The following TESK2 variants were observed in gnomAD, a reference collection of about 807,000 sequenced individuals.
The protein encoded by TESK2 is testis associated actin remodelling kinase 2.
A neutral mutation model predicts 57.1 loss-of-function variants in TESK2; 39 were observed. The observed-to-expected ratio is 0.68, with a 90% CI of 0.53 to 0.89. TESK2 has a LOEUF of 0.89. Ranked by LOEUF, TESK2 falls within the 40% of genes least tolerant of loss-of-function variation. The pLI is 0.00. For synonymous variants in TESK2, 249 were observed against 267.9 expected (o/e 0.93, Z 0.69); for missense variants, 646 against 732.1 (o/e 0.88, Z 1.36).
chr1:45,362,000 A>G (rs182660766), intron 4 of TESK2, among the ~76,000 whole-genome samples: 124 of 152,298 alleles, frequency 8.1e-4, no homozygotes, highest in Non-Finnish European at 1.2e-3. Flanking sequence ...TATATGTTAT[A>G]TGTATTTTAC....
chr1:45,385,430 G>A (rs1570674794), intron 4 of TESK2: 2 of 708,910 alleles, frequency 2.8e-6, no homozygotes, highest in East Asian at 2.6e-4. Context: ...GACCAACCAG[G>A]AAACCACAGC....
chr1:45,472,120 C>T (rs1652790054), intron 1 of TESK2, among the ~76,000 whole-genome samples: 1 of 151,750 alleles, frequency 6.6e-6, no homozygotes, highest in Admixed American at 6.6e-5. Flanking sequence ...GGTATGGTGG[C>T]CGGCACCTGT....
chr1:45,368,176 A>G (rs113353211), intron 4 of TESK2, among the ~76,000 whole-genome samples: 1 of 139,840 alleles, frequency 7.2e-6, no homozygotes, highest in South Asian at 2.3e-4. Flanking sequence ...TTGTATATTT[A>G]ATAGAGATGG....
intron 4 of TESK2, among the ~76,000 whole-genome samples, chr1:45,372,075 C>T (rs1648211551): frequency 6.6e-6 from 1 of 151,360 alleles, no homozygotes; most frequent in Admixed American, 6.6e-5. Context: ...TTAGCGAGAC[C>T]TCATATTTAC....
Position 45,344,134 on chromosome 1 carries a change from C to T in TESK2, c.*706G>A, listed in dbSNP as rs1647102800. On this transcript the variant is annotated 3_prime_UTR_variant, in exon 11 of 11. Transcript: ENST00000372086. Reference sequence around the variant, plus strand: ...GTTGATAAATACATAGAAGCAGGCCCTAGGGCCTACAAAACCAGCCCCACT... The same window carrying T: ...GTTGATAAATACATAGAAGCAGGCCTTAGGGCCTACAAAACCAGCCCCACT... 1 of 165,016 alleles carries T rather than the reference C, an allele frequency of 6.1e-6. No homozygotes were observed. Among genetic ancestry groups the T allele is most frequent in the Non-Finnish European group, 1.3e-5 (1 of 74,600 alleles). 10.2% of individuals were successfully genotyped at this position (165,016 alleles called of 1,614,324 possible). A position where few individuals can be genotyped will look rare whatever the true frequency, so the allele number is the denominator to read the frequency against.
At chr1:45,482,068 T>G (rs529621994) in intron 1 of TESK2, among the ~76,000 whole-genome samples, 1 of 152,304 alleles carries the variant, frequency 6.6e-6, no homozygotes, top group South Asian at 2.1e-4. Flanking sequence ...AGCAGTTCCT[T>G]CCTCCAGTAA....
At chr1:45,398,551 AAATAAT>A (rs1158680820) in intron 3 of TESK2, among the ~76,000 whole-genome samples, 1 of 152,058 alleles carries the variant, frequency 6.6e-6, no homozygotes, top group Admixed American at 6.6e-5. Context: ...CGTTTCAAAA[AAATAAT>A]AATAAAAATA....
At chr1:45,441,617 C>CT (rs763476517) in intron 2 of TESK2, among the ~76,000 whole-genome samples, 38,964 of 118,650 alleles carry the variant, frequency 0.33, 7,079 homozygotes, top group African/African-American at 0.42. Flanking sequence ...CAAAATTATT[C>CT]TTTTTTTTTT....
At chr1:45,452,570 C>T (rs542943085) in intron 2 of TESK2, among the ~76,000 whole-genome samples, 3 of 152,110 alleles carry the variant, frequency 2.0e-5, no homozygotes, top group African/African-American at 4.8e-5. Context: ...AGATTGCTTG[C>T]GGCCAGGAGT....
intron 2 of TESK2, among the ~76,000 whole-genome samples, chr1:45,440,725 A>C (rs1382113776): frequency 7.3e-6 from 1 of 137,882 alleles, no homozygotes; most frequent in Non-Finnish European, 1.5e-5. Context: ...CAAAAAAAAA[A>C]AACAAACAAA....
At chr1:45,462,781 G>A (rs1652388918) in intron 1 of TESK2, among the ~76,000 whole-genome samples, 1 of 152,158 alleles carries the variant, frequency 6.6e-6, no homozygotes, top group East Asian at 1.9e-4. Context: ...ATATCACATT[G>A]TAGCTCTACT....
chr1:45,427,636 T>C (rs1475231921), intron 2 of TESK2, among the ~76,000 whole-genome samples: 1 of 152,214 alleles, frequency 6.6e-6, no homozygotes, highest in Non-Finnish European at 1.5e-5. Context: ...GAGGACATTA[T>C]GTTCAGTTAA....
intron 3 of TESK2, among the ~76,000 whole-genome samples, chr1:45,406,947 C>G (rs930340902): frequency 2.0e-5 from 3 of 152,102 alleles, no homozygotes; most frequent in African/African-American, 4.8e-5. Flanking sequence ...CCATTTCTGA[C>G]CTTATCTACT....
chr1:45,405,285 T>C (rs1332292013), intron 3 of TESK2, among the ~76,000 whole-genome samples: 1 of 152,188 alleles, frequency 6.6e-6, no homozygotes, highest in Non-Finnish European at 1.5e-5. Context: ...TCCAAAACTG[T>C]TCCCCACAAT....
chr1:45,481,407 G>A (rs1459738209), intron 1 of TESK2, among the ~76,000 whole-genome samples: 2 of 151,984 alleles, frequency 1.3e-5, no homozygotes, highest in African/African-American at 4.8e-5. Flanking sequence ...GTGCAGAACA[G>A]TGGGGAACCA....
At chr1:45,384,231 A>G (rs1010744092) in intron 4 of TESK2, among the ~76,000 whole-genome samples, 2 of 152,050 alleles carry the variant, frequency 1.3e-5, no homozygotes, top group African/African-American at 4.8e-5. Context: ...CTGGTTTTCT[A>G]CCTACCTCAC....
intron 2 of TESK2, among the ~76,000 whole-genome samples, chr1:45,442,435 T>C (rs1352880990): frequency 6.6e-6 from 1 of 152,158 alleles, no homozygotes; most frequent in Non-Finnish European, 1.5e-5. Flanking sequence ...GAACAATCAT[T>C]TTCTTACAAG....
chr1:45,364,158 C>T (rs1647809189), intron 4 of TESK2, among the ~76,000 whole-genome samples: 1 of 152,144 alleles, frequency 6.6e-6, no homozygotes, highest in Non-Finnish European at 1.5e-5. Flanking sequence ...GGTTGAATTA[C>T]ATCCCCCCAA....
chr1:45,453,564 GTAAGAGC>G (rs1651961239), intron 2 of TESK2, among the ~76,000 whole-genome samples: 14 of 152,112 alleles, frequency 9.2e-5, no homozygotes, highest in Admixed American at 9.2e-4. Flanking sequence ...TAACCTAAAT[GTAAGAGC>G]TAAAACTATA....
Sources: gnomAD v4.1 joint callset for allele counts (sites outside exome capture counted in the v4.1 genomes callset) on GRCh38, gnomAD v4.1.1 for gene constraint, MANE v1.5 for transcripts, NCBI Gene and HGNC (gene_info 2026-07-23, HGNC 2026-07-21) for gene names.